Variants in QTMAN observed in about 807,000 individuals in gnomAD.
The protein encoded by QTMAN is tRNA-queuosine alpha-mannosyltransferase.
the QTMAN span, among the ~76,000 whole-genome samples, chr2:144,252,057 A>T: frequency 1.3e-5 from 2 of 152,008 alleles, no homozygotes; most frequent in African/African-American, 4.8e-5. Context: ...GTGTAACATT[A>T]AAAATACAAT....
At chr2:143,974,600 T>G in the QTMAN span, among the ~76,000 whole-genome samples, 2 of 152,220 alleles carry the variant, frequency 1.3e-5, no homozygotes, top group African/African-American at 4.8e-5. Flanking sequence ...CTGTGTAATC[T>G]GTTTTTCTAA....
chr2:144,249,281 A>G, the QTMAN span, among the ~76,000 whole-genome samples: 1 of 152,214 alleles, frequency 6.6e-6, no homozygotes, highest in East Asian at 1.9e-4. Flanking sequence ...AGGTATGAAC[A>G]ATCAGTACAT....
chr2:144,168,014 C>A, the QTMAN span, among the ~76,000 whole-genome samples: 1 of 152,096 alleles, frequency 6.6e-6, no homozygotes, highest in African/African-American at 2.4e-5. Flanking sequence ...TAACATATTG[C>A]CTTCATGATA....
chr2:144,020,931 G>A, the QTMAN span, among the ~76,000 whole-genome samples: 1 of 151,398 alleles, frequency 6.6e-6, no homozygotes, highest in Non-Finnish European at 1.5e-5. Context: ...AATAATCGAT[G>A]GAAGGGCTGA....
chr2:144,076,148 G>T, the QTMAN span, among the ~76,000 whole-genome samples: 1 of 152,212 alleles, frequency 6.6e-6, no homozygotes, highest in Non-Finnish European at 1.5e-5. Flanking sequence ...TTGGGAGGCT[G>T]AGGCAGGAGA....
the QTMAN span, among the ~76,000 whole-genome samples, chr2:144,196,782 T>C: frequency 1.3e-5 from 2 of 152,154 alleles, no homozygotes; most frequent in Non-Finnish European, 2.9e-5. Flanking sequence ...ATATATCAAG[T>C]ATAGTGACGA....
the QTMAN span, among the ~76,000 whole-genome samples, chr2:144,301,033 A>G: frequency 1.3e-5 from 2 of 152,218 alleles, no homozygotes; most frequent in African/African-American, 4.8e-5. Flanking sequence ...ATTGAAAAAA[A>G]GAAAGAAAAT....
the QTMAN span, among the ~76,000 whole-genome samples, chr2:143,953,580 G>A: frequency 2.0e-5 from 3 of 151,742 alleles, no homozygotes; most frequent in Admixed American, 6.6e-5. Context: ...TTTTCTTTAC[G>A]TCACAGTAGA....
At chr2:144,198,903 A>C in the QTMAN span, among the ~76,000 whole-genome samples, 2 of 152,044 alleles carry the variant, frequency 1.3e-5, no homozygotes, top group Admixed American at 6.6e-5. Context: ...ACATTTCTCT[A>C]TTTTTCCTGT....
chr2:144,105,329 C>T, the QTMAN span, among the ~76,000 whole-genome samples: 118 of 152,286 alleles, frequency 7.7e-4, no homozygotes, highest in African/African-American at 2.7e-3. Flanking sequence ...GAAGTTCAAA[C>T]CCATTGCAAA....
the QTMAN span, among the ~76,000 whole-genome samples, chr2:144,114,970 T>TGTAA: frequency 6.6e-6 from 1 of 152,202 alleles, no homozygotes; most frequent in African/African-American, 2.4e-5. Flanking sequence ...GACTCATGAT[T>TGTAA]GTAATCCCAG....
chr2:144,184,645 C>T, the QTMAN span, among the ~76,000 whole-genome samples: 15 of 151,952 alleles, frequency 9.9e-5, no homozygotes, highest in Non-Finnish European at 2.1e-4. Context: ...CTACCAATTA[C>T]AGAAGGGACT....
At chr2:143,943,437 A>G in the QTMAN span, 1 of 152,270 alleles carries the variant, frequency 6.6e-6, no homozygotes, top group African/African-American at 2.4e-5. Context: ...TAAGACCCAC[A>G]GTGTATGTCA....
the QTMAN span, among the ~76,000 whole-genome samples, chr2:144,282,724 T>C: frequency 6.6e-6 from 1 of 152,056 alleles, no homozygotes; most frequent in Non-Finnish European, 1.5e-5. Flanking sequence ...TCCTGGGTGA[T>C]AGGAGCATCT....
At chr2:144,025,848 G>A in the QTMAN span, among the ~76,000 whole-genome samples, 1 of 152,206 alleles carries the variant, frequency 6.6e-6, no homozygotes, top group Admixed American at 6.5e-5. Context: ...TCAGGAGCCT[G>A]AAGGAGAGGG....
At chr2:144,171,144 A>G in the QTMAN span, among the ~76,000 whole-genome samples, 3 of 152,296 alleles carry the variant, frequency 2.0e-5, no homozygotes, top group East Asian at 5.8e-4. Context: ...ATGTGCTGAT[A>G]TATGAAGAGA....
the QTMAN span, among the ~76,000 whole-genome samples, chr2:144,087,808 T>TA: frequency 6.6e-6 from 1 of 152,038 alleles, no homozygotes; most frequent in African/African-American, 2.4e-5. Flanking sequence ...CCCAAAATAA[T>TA]AAAGTCATAT....
chr2:144,237,841 C>G, the QTMAN span, among the ~76,000 whole-genome samples: 1 of 152,172 alleles, frequency 6.6e-6, no homozygotes, highest in Non-Finnish European at 1.5e-5. Context: ...CTTCCTTACT[C>G]TCTTGGATCT....
the QTMAN span, among the ~76,000 whole-genome samples, chr2:144,287,438 CA>C: frequency 0.019 from 1,322 of 70,668 alleles, 10 homozygotes; most frequent in African/African-American, 0.064. Flanking sequence ...GACTCTGTCT[CA>C]AAAAAAAAAA....
Sources: gnomAD v4.1 joint callset for allele counts (sites outside exome capture counted in the v4.1 genomes callset) on GRCh38, gnomAD v4.1.1 for gene constraint, MANE v1.5 for transcripts, NCBI Gene and HGNC (gene_info 2026-07-23, HGNC 2026-07-21) for gene names.